Variants in DIAPH2 observed in about 807,000 individuals in gnomAD.
DIAPH2 encodes diaphanous related formin 2.
A neutral mutation model predicts 92.7 loss-of-function variants in DIAPH2; 35 were observed. The observed-to-expected ratio is 0.38, with a 90% confidence interval of 0.29 to 0.50. The LOEUF (loss-of-function observed/expected upper bound fraction) is 0.50. Ranked by LOEUF, DIAPH2 falls within the 20% of genes least tolerant of loss-of-function variation. The pLI is 0.94. For synonymous variants in DIAPH2, 301 were observed against 280.4 expected (o/e 1.07, Z -0.73); for missense variants, 701 against 819.5 (o/e 0.86, Z 1.77).
At chrX:97,052,735 G>C (rs137904233) in intron 17 of DIAPH2, among the ~76,000 whole-genome samples, 1 of 111,040 alleles carries the variant, frequency 9.0e-6, no homozygotes, top group African/African-American at 3.3e-5. Context: ...ATAGGGAAGA[G>C]TTAAATATGA....
intron 26 of DIAPH2, among the ~76,000 whole-genome samples, chrX:97,486,979 A>G (rs1382520124): frequency 8.9e-6 from 1 of 112,168 alleles, no homozygotes; most frequent in Non-Finnish European, 1.9e-5. Flanking sequence ...TGTGAGTTTA[A>G]CTATTTTAAA....
intron 22 of DIAPH2, among the ~76,000 whole-genome samples, chrX:97,192,060 G>T (rs1438459120): frequency 9.0e-6 from 1 of 111,221 alleles, no homozygotes; most frequent in East Asian, 2.8e-4. Flanking sequence ...GGGAGGCCAA[G>T]GTGGGCAGAT....
intron 24 of DIAPH2, among the ~76,000 whole-genome samples, chrX:97,367,193 G>T (rs1037251340): frequency 8.9e-6 from 1 of 111,746 alleles, no homozygotes; most frequent in African/African-American, 3.3e-5. Flanking sequence ...TAATGGGGTA[G>T]TACCCAGGGA....
intron 23 of DIAPH2, among the ~76,000 whole-genome samples, chrX:97,342,038 C>T (rs948594987): frequency 8.9e-5 from 10 of 112,110 alleles, no homozygotes; most frequent in Non-Finnish European, 1.5e-4. Flanking sequence ...TTAGGCTGAC[C>T]ATCATTCTAC....
intron 19 of DIAPH2, among the ~76,000 whole-genome samples, chrX:97,087,813 A>G (rs1371658269): frequency 9.0e-6 from 1 of 111,467 alleles, no homozygotes; most frequent in East Asian, 2.8e-4. Flanking sequence ...TACTTGAAAG[A>G]GTATCCCAAA....
chrX:97,113,825 G>A (rs2147378100), intron 20 of DIAPH2, among the ~76,000 whole-genome samples: 1 of 111,876 alleles, frequency 8.9e-6, no homozygotes, highest in South Asian at 3.7e-4. Context: ...AATATAATTA[G>A]GAATGTTAAT....
intron 23 of DIAPH2, among the ~76,000 whole-genome samples, chrX:97,300,800 C>T (rs1385721489): frequency 7.1e-5 from 7 of 98,073 alleles, no homozygotes; most frequent in Admixed American, 1.2e-4. Context: ...GGCATGGTGG[C>T]GGGCGCCTGT....
chrX:96,976,647 GTTGT>G (rs1455654399), intron 17 of DIAPH2, among the ~76,000 whole-genome samples: 1 of 110,625 alleles, frequency 9.0e-6, no homozygotes, highest in African/African-American at 3.3e-5. Flanking sequence ...GATACATGAC[GTTGT>G]TTAAGTATAA....
intron 4 of DIAPH2, among the ~76,000 whole-genome samples, chrX:96,779,753 T>C (rs1038208663): frequency 8.9e-6 from 1 of 112,154 alleles, no homozygotes; most frequent in Non-Finnish European, 1.9e-5. Flanking sequence ...AAAAAAATTA[T>C]GGTGTTTACA....
At chrX:97,015,788 A>G (rs1247960147) in intron 17 of DIAPH2, among the ~76,000 whole-genome samples, 2 of 83,862 alleles carry the variant, frequency 2.4e-5, no homozygotes, top group Non-Finnish European at 4.6e-5. Context: ...ACGCCATCTG[A>G]AAAAAAAAAA....
intron 26 of DIAPH2, among the ~76,000 whole-genome samples, chrX:97,550,430 C>T (rs1256971013): frequency 8.9e-6 from 1 of 112,040 alleles, no homozygotes; most frequent in East Asian, 2.8e-4. Flanking sequence ...ATATAGACTT[C>T]AGACAATTGG....
At chrX:97,462,063 A>G (rs188196826) in intron 26 of DIAPH2, among the ~76,000 whole-genome samples, 168 of 111,503 alleles carry the variant, frequency 1.5e-3, no homozygotes, top group African/African-American at 5.1e-3. Context: ...ACCCTTTGGG[A>G]TGTTATGAAC....
At chrX:96,811,835 G>A (rs987048147) in intron 4 of DIAPH2, among the ~76,000 whole-genome samples, 8 of 111,637 alleles carry the variant, frequency 7.2e-5, no homozygotes, top group Non-Finnish European at 9.4e-5. Flanking sequence ...ATTGATTTTC[G>A]TATGTTGAAC....
chrX:96,875,663 A>G, intron 4 of DIAPH2, among the ~76,000 whole-genome samples: 1 of 111,271 alleles, frequency 9.0e-6, no homozygotes, highest in Non-Finnish European at 1.9e-5. Context: ...TATGAAGTTA[A>G]CCTGATGACA....
intron 25 of DIAPH2, among the ~76,000 whole-genome samples, chrX:97,393,149 G>C (rs905240667): frequency 9.0e-6 from 1 of 111,178 alleles, no homozygotes; most frequent in Non-Finnish European, 1.9e-5. Context: ...GAAAAGAACA[G>C]TGAAAGGTGA....
chrX:97,468,559 A>G (rs1320371125), intron 26 of DIAPH2, among the ~76,000 whole-genome samples: 1 of 110,010 alleles, frequency 9.1e-6, no homozygotes, highest in Non-Finnish European at 1.9e-5. Context: ...TTTTATAGCT[A>G]GAAAACCTAT....
chrX:97,568,115 C>CAAAAAAAAAAAA (rs59273565), intron 26 of DIAPH2, among the ~76,000 whole-genome samples: 2 of 30,087 alleles, frequency 6.6e-5, no homozygotes, highest in Non-Finnish European at 5.0e-5. Flanking sequence ...GACTCCATCT[C>CAAAAAAAAAAAA]AAAAAAAAAA....
In DIAPH2 at chrX:96,888,557, A is replaced by G. The variant is rs192651491; in HGVS notation, c.587+6839A>G. On this transcript the variant is annotated intron_variant, in intron 5 of 26. Transcript: ENST00000324765. Reference sequence around the variant, plus strand: ...TATATACATACAGATATATATATCTATATATATACACAGATATATATATCT... The same window carrying G: ...TATATACATACAGATATATATATCTGTATATATACACAGATATATATATCT... 1.8e-3 allele frequency among the ~76,000 whole-genome samples: 162 copies of G among 89,292 alleles called. 2 individuals carry two copies. Among genetic ancestry groups the G allele is most frequent in the African/African-American group, 6.6e-3 (153 of 23,221 alleles). 77.5% of individuals were successfully genotyped at this position (89,292 alleles called of 115,157 possible). A position where few individuals can be genotyped will look rare whatever the true frequency, so the allele number is the denominator to read the frequency against.
At chrX:97,170,749 A>G (rs760630843) in intron 22 of DIAPH2, among the ~76,000 whole-genome samples, 2 of 111,561 alleles carry the variant, frequency 1.8e-5, no homozygotes, top group Non-Finnish European at 3.8e-5. Context: ...AACTATAACC[A>G]CTGTAGATAT....
Sources: allele counts gnomAD v4.1 joint callset (sites outside exome capture counted in the v4.1 genomes callset), GRCh38; gene constraint gnomAD v4.1.1; transcripts MANE v1.5; gene names NCBI Gene and HGNC (gene_info 2026-07-23, HGNC 2026-07-21).